GALNT7: variants seen among roughly 807,000 people sequenced by gnomAD.
GALNT7 encodes the protein N-acetylgalactosaminyltransferase 7.
GALNT7 carries 60 observed loss-of-function variants against 82.1 expected under a neutral mutation model. The ratio of observed to expected loss-of-function variants is 0.73; its 90% CI spans 0.59 to 0.91. GALNT7 has a LOEUF of 0.91. Ranked by LOEUF, GALNT7 falls within the 40% of genes least tolerant of loss-of-function variation. The pLI is 0.00. For missense variants in GALNT7, 660 were observed against 804.2 expected (o/e 0.82, Z 2.17); for synonymous variants, 243 against 275.1 (o/e 0.88, Z 1.15).
At chr4:173,217,303 G>A (rs978452495) in intron 1 of GALNT7, among the ~76,000 whole-genome samples, 2 of 152,200 alleles carry the variant, frequency 1.3e-5, no homozygotes, top group African/African-American at 4.8e-5. Context: ...AGGGTGTGTC[G>A]CTTGTTCATG....
intron 1 of GALNT7, among the ~76,000 whole-genome samples, chr4:173,187,742 C>A (rs532957158): frequency 1.3e-5 from 2 of 152,160 alleles, no homozygotes; most frequent in East Asian, 3.9e-4. Context: ...TAAGTCAGTG[C>A]CATGGGGTTA....
intron 3 of GALNT7, among the ~76,000 whole-genome samples, chr4:173,293,266 A>AT (rs1472129418): frequency 2.6e-5 from 4 of 151,858 alleles, no homozygotes; most frequent in Admixed American, 6.6e-5. Context: ...AGTATTCTGT[A>AT]TTTTTTTACT....
chr4:173,315,515 C>T (rs1214932189), intron 9 of GALNT7, among the ~76,000 whole-genome samples: 1 of 151,936 alleles, frequency 6.6e-6, no homozygotes, highest in African/African-American at 2.4e-5. Context: ...ATGAGGTCCC[C>T]GAGGGAGAAA....
chr4:173,229,630 C>G (rs925297352), intron 1 of GALNT7, among the ~76,000 whole-genome samples: 3 of 152,248 alleles, frequency 2.0e-5, no homozygotes, highest in African/African-American at 7.2e-5. Context: ...CTCTGTGCCT[C>G]TGATTTCTTA....
chr4:173,312,582 A>C (rs1043872789), intron 8 of GALNT7, among the ~76,000 whole-genome samples: 62 of 152,250 alleles, frequency 4.1e-4, no homozygotes, highest in African/African-American at 1.5e-3. Context: ...ATTGGGCATC[A>C]CATTTCAACA....
intron 2 of GALNT7, among the ~76,000 whole-genome samples, chr4:173,253,565 G>A (rs1734922207): frequency 6.6e-6 from 1 of 152,156 alleles, no homozygotes; most frequent in South Asian, 2.1e-4. Context: ...GGAGGTTATA[G>A]AACCAGAAAA....
chr4:173,251,312 A>T (rs1734838540), intron 2 of GALNT7, among the ~76,000 whole-genome samples: 1 of 152,238 alleles, frequency 6.6e-6, no homozygotes, highest in Non-Finnish European at 1.5e-5. Flanking sequence ...ATCTCTCAGG[A>T]TTAGCATTAG....
intron 2 of GALNT7, 141 bp from the exon 3 acceptor site, chr4:173,291,967 T>G: frequency 1.8e-6 from 1 of 565,816 alleles, no homozygotes; most frequent in South Asian, 2.5e-5. Flanking sequence ...CTTGCATTTC[T>G]GTTAAATTTT....
At chr4:173,311,127 T>C (rs188731498) in intron 8 of GALNT7, among the ~76,000 whole-genome samples, 1 of 152,352 alleles carries the variant, frequency 6.6e-6, no homozygotes, top group East Asian at 1.9e-4. Flanking sequence ...CATACTGCAT[T>C]TGCTTTTCTC....
At chr4:173,300,542 C>G (rs1736883797) in intron 6 of GALNT7, among the ~76,000 whole-genome samples, 1 of 150,650 alleles carries the variant, frequency 6.6e-6, no homozygotes, top group African/African-American at 2.4e-5. Flanking sequence ...ATTTCAGGAT[C>G]GTGAATAACA....
chr4:173,247,569 AG>A (rs1259789003), intron 1 of GALNT7, among the ~76,000 whole-genome samples: 1 of 152,004 alleles, frequency 6.6e-6, no homozygotes, highest in Non-Finnish European at 1.5e-5. Flanking sequence ...TACCGACAAA[AG>A]GTTATATTTA....
intron 1 of GALNT7, among the ~76,000 whole-genome samples, chr4:173,244,927 A>T (rs2126732760): frequency 6.6e-6 from 1 of 152,296 alleles, no homozygotes; most frequent in South Asian, 2.1e-4. Flanking sequence ...CAGTCAGTGA[A>T]ACAGGCTTGT....
At chr4:173,317,522 C>A in intron 9 of GALNT7, 112 bp from the exon 10 acceptor site, 2 of 699,594 alleles carry the variant, frequency 2.9e-6, no homozygotes, top group Non-Finnish European at 2.6e-6. Context: ...TACACATACC[C>A]AGATTTTCCC....
Position 173,295,421 on chromosome 4 carries a change from A to C in GALNT7, c.780A>C (p.Glu260Asp). 3 of 1,594,676 alleles carry C rather than the reference A, an allele frequency of 1.9e-6. No homozygotes were observed. ...NKEHLKEKLD[E>D]YIKLWNGLVK... ...AACACTTAAAAGAAAAACTGGATGAATATATTAAGCTGTGGAATGGCCTAG... is the reference window on the plus strand; with the variant it reads ...AACACTTAAAAGAAAAACTGGATGACTATATTAAGCTGTGGAATGGCCTAG... Residue 260 changes from glutamate to aspartate, a missense_variant, in exon 4 of 12, where the codon GAA (glutamate) becomes GAC (aspartate). Transcript: ENST00000265000.
chr4:173,245,606 A>G (rs958260026), intron 1 of GALNT7, among the ~76,000 whole-genome samples: 1 of 152,178 alleles, frequency 6.6e-6, no homozygotes, highest in Non-Finnish European at 1.5e-5. Context: ...TTTGTGTTAT[A>G]CTTGTTTCAG....
intron 1 of GALNT7, among the ~76,000 whole-genome samples, chr4:173,214,941 T>G (rs181284712): frequency 2.0e-5 from 3 of 152,314 alleles, no homozygotes; most frequent in Admixed American, 2.0e-4. Flanking sequence ...AGGAATACAC[T>G]GACTGCCTTG....
chr4:173,260,579 A>G (rs1022369133), intron 2 of GALNT7, among the ~76,000 whole-genome samples: 1 of 152,184 alleles, frequency 6.6e-6, no homozygotes, highest in Non-Finnish European at 1.5e-5. Context: ...TGGTGGGGCC[A>G]TGTGTTTTAT....
rs951559944 is a variant in GALNT7, at chr4:173,295,493, A to G, written c.852A>G (p.Arg284=). ...NERREGLIQA[R]SIGAQKAKLG... is the part of the protein sequence containing the mutation. ...GAAGGGAAGGTTTAATTCAAGCACGAAGTATTGGTGCTCAGAAGGCTAAAC... is the reference window on the plus strand; with the variant it reads ...GAAGGGAAGGTTTAATTCAAGCACGGAGTATTGGTGCTCAGAAGGCTAAAC... The change falls in exon 4 of 12, where the codon CGA becomes CGG. Residue 284 remains arginine (R), a synonymous_variant. Coordinates refer to ENST00000265000, the MANE Select transcript of GALNT7 (RefSeq NM_017423.3). 1.2e-5 allele frequency: 19 copies of G among 1,613,416 alleles called. No homozygotes were observed. The Middle Eastern group carries it at 6.6e-4, about 56-fold the overall frequency.
chr4:173,182,214 G>T (rs941066611), intron 1 of GALNT7, among the ~76,000 whole-genome samples: 4 of 152,164 alleles, frequency 2.6e-5, no homozygotes, highest in Admixed American at 1.3e-4. Flanking sequence ...AATGATTTAT[G>T]ATTCTGCATT....
Sources: gnomAD v4.1 joint callset for allele counts (sites outside exome capture counted in the v4.1 genomes callset) on GRCh38, gnomAD v4.1.1 for gene constraint, MANE v1.5 for transcripts, NCBI Gene and HGNC (gene_info 2026-07-23, HGNC 2026-07-21) for gene names.